CACNA1G: variants seen among roughly 807,000 people sequenced by gnomAD.
CACNA1G encodes voltage-dependent T-type calcium channel subunit alpha-1G.
A neutral mutation model predicts 219.4 loss-of-function variants in CACNA1G; 67 were observed. The ratio of observed to expected loss-of-function variants is 0.31; its 90% CI spans 0.25 to 0.37. The LOEUF (loss-of-function observed/expected upper bound fraction) is 0.37, where lower values mean the gene tolerates loss of function less well. CACNA1G is among the 10% of genes least tolerant of loss of function. The probability of loss-of-function intolerance (pLI) is 1.00; values close to 1 mark genes in which losing one functional copy is unlikely to be tolerated. For missense variants in CACNA1G, 2,380 were observed against 3,231.4 expected (o/e 0.74, Z 6.39); for synonymous variants, 1,296 against 1,345.3 (o/e 0.96, Z 0.80).
At chr17:50,585,979 C>T (rs2042910409) in intron 9 of CACNA1G, among the ~76,000 whole-genome samples, 2 of 152,112 alleles carry the variant, frequency 1.3e-5, no homozygotes, top group South Asian at 2.1e-4. Flanking sequence ...TGGCTGGGGT[C>T]GGGCTTGGGC....
At chr17:50,607,223 G>T in intron 24 of CACNA1G, 1 of 555,514 alleles carries the variant, frequency 1.8e-6, no homozygotes, top group Non-Finnish European at 3.4e-6. Flanking sequence ...GTGAATTTGG[G>T]CTGTGTGCAG....
At position 50,568,985 on chromosome 17, in the gene CACNA1G, AGTGT is replaced by A. The variant is rs3833150; in HGVS notation, c.354+31_354+34del. 31,935 of 1,171,366 alleles carry A rather than the reference AGTGT, an allele frequency of 0.027. 163 individuals carry two copies. The highest frequency in any genetic ancestry group is 0.033 in the Non-Finnish European group (26,992 of 821,106). 72.6% of individuals were successfully genotyped at this position (1,171,366 alleles called of 1,614,324 possible). A position where few individuals can be genotyped will look rare whatever the true frequency, so the allele number is the denominator to read the frequency against. On this transcript the variant is annotated splice_donor_5th_base_variant and intron_variant, in intron 2 of 37. Coordinates refer to ENST00000359106, the MANE Select transcript of CACNA1G (RefSeq NM_018896.5). ...CCAGCGCTGCCGGATCCTGCAGGTGAGTGTGTGTGTGTGTGTGTGTGTGTGTGTG... is the reference window on the plus strand; with the variant it reads ...CCAGCGCTGCCGGATCCTGCAGGTGAGTGTGTGTGTGTGTGTGTGTGTGTG...
In CACNA1G at chr17:50,595,015, C is replaced by A; in HGVS notation, c.2933C>A (p.Ala978Glu). The change falls in exon 14 of 38, where the codon GCG (alanine) becomes GAG (glutamate). Residue 978 changes from alanine (A) to glutamate (E), a missense_variant. By Grantham distance (107) the Ala-to-Glu change is moderately radical. Around this residue, in one of 17 missense-constraint regions of CACNA1G, gnomAD observed 418 missense variants for 434.3 expected, o/e 0.96. Transcript: ENST00000359106. ...TAGGAAATCAGCAAACGGGAAGATG[C>A]GAGTGGACAGTTAAGCTGTATTCAG... Reference protein sequence around the residue: ...QAEEISKREDASGQLSCIQLP... With the variant: ...QAEEISKREDESGQLSCIQLP... 1.9e-6 allele frequency: 3 copies of A among 1,554,258 alleles called. No individual in the cohort carries two copies. Among genetic ancestry groups the A allele is most frequent in the Non-Finnish European group, 2.6e-6 (3 of 1,148,418 alleles).
chr17:50,602,964 G>A, intron 20 of CACNA1G, 51 bp from the exon 21 acceptor site: 2 of 1,610,860 alleles, frequency 1.2e-6, no homozygotes, highest in South Asian at 2.2e-5. Flanking sequence ...AGGGTGGGAG[G>A]GTTGGCTGCA....
intron 14 of CACNA1G, 116 bp downstream of exon 14, chr17:50,595,177 G>A (rs1011016015): frequency 1.2e-5 from 9 of 754,016 alleles, no homozygotes; most frequent in Non-Finnish European, 2.0e-5. Context: ...ACCTGTCATA[G>A]CCGTGATGGT....
intron 37 of CACNA1G, among the ~76,000 whole-genome samples, chr17:50,625,772 T>C (rs1056096504): frequency 6.6e-6 from 1 of 152,068 alleles, no homozygotes; most frequent in South Asian, 2.1e-4. Flanking sequence ...CTTGCAGGCT[T>C]AGGGGAGACC....
rs1023388618 is a variant in CACNA1G at position 50,621,544 on chromosome 17, C to A, written c.5926-116C>A. 2.6e-5 allele frequency: 30 copies of A among 1,174,802 alleles called. No homozygotes were observed. The Middle Eastern group carries it at 6.8e-4, about 27-fold the overall frequency. The allele number at this position is 1,174,802 out of a possible 1,614,324, so 72.8% of individuals were successfully genotyped here. On this transcript the variant is annotated intron_variant, in intron 34 of 37. Transcript: ENST00000359106. The surrounding 1 kb of genome is among the most constrained non-coding windows in gnomAD (Gnocchi z 4.6). ...GAGAAGGGATGCCTTTTTCCCGCCC[C>A]CCTGTGCTTCGTGAAAAGGGGGAAG...
intron 34 of CACNA1G, among the ~76,000 whole-genome samples, chr17:50,620,213 G>A (rs2051488690): frequency 6.6e-6 from 1 of 152,148 alleles, no homozygotes. Context: ...CAGAGACAGT[G>A]TAGGTGGCCA....
intron 13 of CACNA1G, among the ~76,000 whole-genome samples, chr17:50,593,716 T>A (rs2044871975): frequency 6.6e-6 from 1 of 152,068 alleles, no homozygotes; most frequent in Admixed American, 6.5e-5. Context: ...GCAGGGAGGG[T>A]CTCACTCAGG....
At chr17:50,564,019 C>G (rs1437363949) in intron 1 of CACNA1G, among the ~76,000 whole-genome samples, 1 of 152,118 alleles carries the variant, frequency 6.6e-6, no homozygotes, top group African/African-American at 2.4e-5. Flanking sequence ...CCCTCCACCC[C>G]CAACTAACTG....
Position 50,561,360 on chromosome 17 carries a change from A to G in CACNA1G, c.-100A>G, listed in dbSNP as rs1344312985. On this transcript the variant is annotated 5_prime_UTR_variant, in exon 1 of 38. It removes an upstream start codon present in the reference 5' UTR. Transcript: ENST00000359106. ...CAGCTTGCGCCCTAGAGCCCACCAG[A>G]TGTGCCCCCGCCGGGGCCCCCGGGT... 6 of 1,466,586 alleles carry G rather than the reference A, an allele frequency of 4.1e-6. No individual in the cohort carries two copies. The highest frequency in any genetic ancestry group is 5.5e-6 in the Non-Finnish European group (6 of 1,088,624). The allele number at this position is 1,466,586 out of a possible 1,614,324, so 90.8% of individuals were successfully genotyped here.
chr17:50,589,688 C>T (rs754190831), intron 9 of CACNA1G, among the ~76,000 whole-genome samples: 2 of 152,130 alleles, frequency 1.3e-5, no homozygotes, highest in Non-Finnish European at 1.5e-5. Flanking sequence ...AAGGAATTAC[C>T]TCTGGTGTTT....
rs1268819600 is a variant in CACNA1G at position 50,576,175 on chromosome 17, C to T, written c.1773C>T (p.Pro591=). 6.2e-7 allele frequency: 1 copy of T among 1,610,312 alleles called. No homozygotes were observed. The part of the protein sequence containing the change: ...GRTVGSGKVY[P]TVHTSPPPET... The stretch of plus-strand genomic sequence containing the variant: ...CTGTGGGCAGCGGGAAGGTGTATCC[C>T]ACCGTGCACACCAGCCCTCCACCGG... The change falls in exon 8 of 38, where the codon CCC becomes CCT. Residue 591 remains proline, a synonymous_variant. Transcript: ENST00000359106.
intron 9 of CACNA1G, among the ~76,000 whole-genome samples, chr17:50,582,194 C>A (rs561464480): frequency 6.6e-6 from 1 of 152,340 alleles, no homozygotes; most frequent in Admixed American, 6.5e-5. Flanking sequence ...GAGCCCTTAA[C>A]CCAGACCAGA....
Position 50,576,280 on chromosome 17 carries a change from C to G in CACNA1G, c.1878C>G (p.Pro626=), listed in dbSNP as rs369327128. Reference sequence around the variant, plus strand: ...CCCTCACCAGCCTCAACATCCCACCCGGGCCCTACAGCTCCATGCACAAGC... The same window carrying G: ...CCCTCACCAGCCTCAACATCCCACCGGGGCCCTACAGCTCCATGCACAAGC... ...PPTLTSLNIP[P]GPYSSMHKLL... Residue 626 remains proline (P), a synonymous_variant, in exon 8 of 38, where the codon CCC becomes CCG. Transcript: ENST00000359106. 1.3e-6 allele frequency: 2 copies of G among 1,584,686 alleles called. No homozygotes were observed.
chr17:50,622,231 G>A (rs2052333619), intron 35 of CACNA1G, among the ~76,000 whole-genome samples: 1 of 148,186 alleles, frequency 6.7e-6, no homozygotes. Flanking sequence ...TGGTGGGTGA[G>A]AGCCGCATCT....
intron 22 of CACNA1G, among the ~76,000 whole-genome samples, 176 bp from the exon 23 acceptor site, chr17:50,605,721 AG>A (rs2047821441): frequency 6.6e-6 from 1 of 152,156 alleles, no homozygotes; most frequent in Admixed American, 6.5e-5. Context: ...TTGGAAAGGA[AG>A]GGGGTGTCGG....
At chr17:50,608,948 T>G (rs2048568054) in intron 25 of CACNA1G, among the ~76,000 whole-genome samples, 1 of 152,164 alleles carries the variant, frequency 6.6e-6, no homozygotes, top group Non-Finnish European at 1.5e-5. Flanking sequence ...TCTAAGTGTC[T>G]TTGTGTGTGG....
intron 9 of CACNA1G, among the ~76,000 whole-genome samples, chr17:50,588,940 G>A (rs1047837245): frequency 6.6e-6 from 1 of 152,206 alleles, no homozygotes; most frequent in African/African-American, 2.4e-5. Context: ...ATACATTTGG[G>A]TGTCCTCAGG....
Sources: gnomAD v4.1 joint callset for allele counts (sites outside exome capture counted in the v4.1 genomes callset) on GRCh38, gnomAD v4.1.1 for gene constraint, gnomAD v4.1.1 regional missense constraint, Gnocchi (gnomAD v3.1) non-coding constraint, MANE v1.5 for transcripts, NCBI Gene and HGNC (gene_info 2026-07-23, HGNC 2026-07-21) for gene names.